The following NDUFS1 variants were observed in gnomAD, a reference collection of about 807,000 sequenced individuals.
NDUFS1 encodes NADH-ubiquinone oxidoreductase 75 kDa subunit, mitochondrial.
A neutral mutation model predicts 84.4 loss-of-function variants in NDUFS1; 61 were observed. That is an observed-to-expected ratio of 0.72 (90% CI 0.59 to 0.89). The LOEUF (loss-of-function observed/expected upper bound fraction) is 0.89, where lower values mean the gene tolerates loss of function less well. NDUFS1 is among the 40% of genes least tolerant of loss of function. The pLI is 0.00. For synonymous variants in NDUFS1, 275 were observed against 290.0 expected (o/e 0.95, Z 0.53); for missense variants, 891 against 890.0 (o/e 1.00, Z -0.01).
intron 8 of NDUFS1, 52 bp from the exon 9 acceptor site, chr2:206,145,078 TTC>T: frequency 6.6e-7 from 1 of 1,525,568 alleles, no homozygotes; most frequent in South Asian, 1.3e-5. Flanking sequence ...TAAAGAAAGT[TTC>T]TGTTACCTGG....
At chr2:206,147,386 T>A (rs964579171) in intron 7 of NDUFS1, 145 bp downstream of exon 7, 2 of 825,352 alleles carry the variant, frequency 2.4e-6, no homozygotes, top group Non-Finnish European at 3.7e-6. Context: ...GAAAGTGAAC[T>A]TATTTTATTC....
intron 15 of NDUFS1, among the ~76,000 whole-genome samples, chr2:206,128,762 C>G (rs1167257324): frequency 6.6e-6 from 1 of 150,646 alleles, no homozygotes; most frequent in Non-Finnish European, 1.5e-5. Context: ...GCCTGGGTGA[C>G]AGAGTGAGAC....
intron 8 of NDUFS1, among the ~76,000 whole-genome samples, chr2:206,146,600 T>C (rs1692162604): frequency 6.6e-6 from 1 of 152,206 alleles, no homozygotes; most frequent in Non-Finnish European, 1.5e-5. Context: ...GAAAACTTAA[T>C]AAACAACAAC....
At chr2:206,137,517 C>A (rs769664889) in intron 13 of NDUFS1, among the ~76,000 whole-genome samples, 1 of 151,408 alleles carries the variant, frequency 6.6e-6, no homozygotes, top group Non-Finnish European at 1.5e-5. Context: ...GGGTTTGGGG[C>A]GGGGCGGAGG....
rs10206644 is a variant in NDUFS1, at chr2:206,147,517, G to T, written c.551+14C>A. The T allele has an allele frequency of 4.7e-3, 7,566 of 1,609,894 alleles. 320 individuals carry two copies. The African/African-American group carries it at 0.091, about 19-fold the overall frequency. ...ATTATATTCTATAATAGAAAAAAAA[G>T]GAAAAAAAGTTACCTGATGCAGCGA... On this transcript the variant is annotated intron_variant, in intron 7 of 18. Transcript: ENST00000233190.
chr2:206,152,496 T>C lies in NDUFS1; in HGVS notation c.76A>G (p.Thr26Ala). 1 of 1,614,160 alleles carries C rather than the reference T, an allele frequency of 6.2e-7. No homozygotes were observed. The highest frequency in any genetic ancestry group is 1.1e-5 in the South Asian group (1 of 91,090). The change falls in exon 3 of 19, where the codon ACA (threonine) becomes GCA (alanine). Residue 26 changes from threonine to alanine, a missense_variant. Thr to Ala is a moderately conservative substitution (Grantham distance 58). Transcript: ENST00000233190. The part of the protein sequence containing the change: ...SPKGCVRTTA[T>A]AASNLIEVFV... ...ACTTCAATCAAGTTGCTTGCTGCTG[T>C]GGCAGTTGTTCGAACTGACCATCAA...
At chr2:206,140,943 T>TACACAC (rs1553505280) in intron 12 of NDUFS1, among the ~76,000 whole-genome samples, 2 of 136,110 alleles carry the variant, frequency 1.5e-5, no homozygotes, top group African/African-American at 5.6e-5. Flanking sequence ...TATATATATA[T>TACACAC]ACACACACAC....
At position 206,116,576 on chromosome 2, in the gene NDUFS1, T is replaced by G. The variant is rs1471341453; in HGVS notation, c.*7609A>C. 7 of 579,706 alleles carry G rather than the reference T, an allele frequency of 1.2e-5. No homozygotes were observed. The highest frequency in any genetic ancestry group is 1.1e-4 in the South Asian group (6 of 53,200). The allele number at this position is 579,706 out of a possible 1,614,324, so 35.9% of individuals were successfully genotyped here. On this transcript the variant is annotated 3_prime_UTR_variant, in exon 19 of 19. Transcript: ENST00000233190. ...GGAGGCGGGGCGGTGTGGGCAGAAG[T>G]AAATTTCTTTATAAATTACCCAGTC... is the stretch of plus-strand genomic sequence containing the variant.
chr2:206,147,720 A>G, intron 6 of NDUFS1, 33 bp downstream of exon 6: 3 of 1,613,912 alleles, frequency 1.9e-6, no homozygotes, highest in Non-Finnish European at 2.5e-6. Context: ...AATCTGAGAC[A>G]ACCAAAAAGA....
At chr2:206,141,843 C>G in intron 12 of NDUFS1, 98 bp downstream of exon 12, 1 of 1,042,062 alleles carries the variant, frequency 9.6e-7, no homozygotes, top group South Asian at 1.5e-5. Flanking sequence ...TTTGGAGTCT[C>G]ACTACCACTA....
intron 1 of NDUFS1, among the ~76,000 whole-genome samples, chr2:206,156,619 A>G (rs571079993): frequency 6.6e-6 from 1 of 152,206 alleles, no homozygotes; most frequent in Non-Finnish European, 1.5e-5. Context: ...GAACGTATTA[A>G]AAAATTTCAA....
At position 206,145,054 on chromosome 2, in the gene NDUFS1, G is replaced by T. The variant is rs751674464; in HGVS notation, c.738-28C>A. On this transcript the variant is annotated intron_variant, in intron 8 of 18. Coordinates refer to ENST00000233190, the MANE Select transcript of NDUFS1 (RefSeq NM_005006.7). ...GAGAAACACATACGGTGTTTACTAT[G>T]GTGCTTTTGGGAATAAAGAAAGTTT... 15 of 1,558,732 alleles carry T rather than the reference G, an allele frequency of 9.6e-6. No homozygotes were observed. The South Asian group carries it at 1.7e-4, about 18-fold the overall frequency.
At chr2:206,135,870 C>T (rs1456157305) in intron 13 of NDUFS1, among the ~76,000 whole-genome samples, 1 of 151,974 alleles carries the variant, frequency 6.6e-6, no homozygotes, top group Admixed American at 6.6e-5. Context: ...CATCCTCTTG[C>T]ACATCACCTT....
At chr2:206,130,899 C>A (rs753880226) in intron 14 of NDUFS1, among the ~76,000 whole-genome samples, 17 of 152,046 alleles carry the variant, frequency 1.1e-4, no homozygotes, top group Non-Finnish European at 2.5e-4. Context: ...GAAGAAAAAT[C>A]AGATTATTTC....
intron 15 of NDUFS1, 110 bp downstream of exon 15, chr2:206,129,978 C>A: frequency 7.3e-7 from 1 of 1,371,168 alleles, no homozygotes. Flanking sequence ...GTGGGGGAGG[C>A]AAAATTCTCA....
In NDUFS1 at chr2:206,126,816, G is replaced by A; in HGVS notation, c.1913C>T (p.Thr638Ile). The A allele has an allele frequency of 6.2e-7, 1 of 1,614,112 alleles. No homozygotes were observed. Among genetic ancestry groups the A allele is most frequent in the Non-Finnish European group, 8.5e-7 (1 of 1,180,028 alleles). Residue 638 changes from threonine to isoleucine, a missense_variant, in exon 17 of 19, where the codon ACT becomes ATT. Transcript: ENST00000233190. ...EIAGMTLPYD[T>I]LDQVRNRLEE... ...CAATCTGTTCCTTACTTGATCCAGA[G>A]TATCATATGGAAGAGTCATTCCAGC...
chr2:206,154,922 C>CT (rs71034412), intron 1 of NDUFS1, among the ~76,000 whole-genome samples: 41,495 of 100,802 alleles, frequency 0.41, 9,713 homozygotes, highest in African/African-American at 0.49. Context: ...GTGCCCGGCC[C>CT]TTTTTTTTTT....
At chr2:206,128,135 T>G (rs1691364747) in intron 15 of NDUFS1, among the ~76,000 whole-genome samples, 163 bp from the exon 16 acceptor site, 1 of 152,122 alleles carries the variant, frequency 6.6e-6, no homozygotes, top group Non-Finnish European at 1.5e-5. Flanking sequence ...AAAGCCCACC[T>G]CAACCCTAAT....
intron 14 of NDUFS1, 21 bp from the exon 15 acceptor site, chr2:206,130,263 T>G: frequency 1.2e-6 from 2 of 1,613,866 alleles, no homozygotes; most frequent in Non-Finnish European, 1.7e-6. Flanking sequence ...ATTATGGAAT[T>G]TTACCATAAC....
Sources: allele counts gnomAD v4.1 joint callset (sites outside exome capture counted in the v4.1 genomes callset), GRCh38; gene constraint gnomAD v4.1.1; transcripts MANE v1.5; gene names NCBI Gene and HGNC (gene_info 2026-07-23, HGNC 2026-07-21).